HYCC2: variants seen among roughly 807,000 people sequenced by gnomAD.
The protein encoded by HYCC2 is hyccin PI4KA lipid kinase complex subunit 2.
chr2:201,003,433 G>T, the HYCC2 span, among the ~76,000 whole-genome samples: 1 of 152,168 alleles, frequency 6.6e-6, no homozygotes, highest in Non-Finnish European at 1.5e-5. Context: ...GCAGTGAGCT[G>T]AGATCGCACC....
the HYCC2 span, among the ~76,000 whole-genome samples, chr2:201,010,034 G>A: frequency 1.3e-5 from 2 of 151,176 alleles, no homozygotes; most frequent in Admixed American, 1.3e-4. Context: ...AACCCGGGAG[G>A]TGGAGGTGGC....
the HYCC2 span, chr2:200,978,702 C>T: frequency 1.3e-5 from 2 of 151,956 alleles, no homozygotes; most frequent in Non-Finnish European, 2.9e-5. Flanking sequence ...GTCTCGAACT[C>T]CTGACCTCAT....
the HYCC2 span, among the ~76,000 whole-genome samples, chr2:201,039,237 C>T: frequency 2.6e-5 from 4 of 152,132 alleles, no homozygotes; most frequent in African/African-American, 4.8e-5. Flanking sequence ...TACTTAATGT[C>T]TGTCTTTTCT....
chr2:201,067,041 AC>A, the HYCC2 span: 2 of 343,676 alleles, frequency 5.8e-6, no homozygotes, highest in African/African-American at 2.2e-5. Flanking sequence ...GCCAACAAGC[AC>A]CAGGTCAAAT....
chr2:200,996,540 C>A, the HYCC2 span: 1 of 152,066 alleles, frequency 6.6e-6, no homozygotes, highest in Non-Finnish European at 1.5e-5. Flanking sequence ...GTGAGAAGAT[C>A]ACTTGAACCT....
the HYCC2 span, among the ~76,000 whole-genome samples, chr2:200,983,359 T>C: frequency 1.3e-5 from 2 of 152,206 alleles, no homozygotes; most frequent in Non-Finnish European, 2.9e-5. Context: ...AAGCAAAATA[T>C]ATACAAAATA....
the HYCC2 span, among the ~76,000 whole-genome samples, chr2:201,017,422 GATT>G: frequency 3.6e-4 from 54 of 151,998 alleles, no homozygotes; most frequent in South Asian, 0.011. Flanking sequence ...AAATTTACTA[GATT>G]ATTAGTCCTT....
chr2:201,024,940 A>G, the HYCC2 span, among the ~76,000 whole-genome samples: 4,676 of 151,726 alleles, frequency 0.031, 258 homozygotes, highest in African/African-American at 0.11. Context: ...GAGACCCAAT[A>G]TCTATAAAAA....
chr2:200,985,277 C>T, the HYCC2 span, among the ~76,000 whole-genome samples: 2 of 151,828 alleles, frequency 1.3e-5, no homozygotes, highest in Non-Finnish European at 2.9e-5. Flanking sequence ...TTACACTGAA[C>T]GCCAAGAAGC....
chr2:201,044,003 G>A, the HYCC2 span, among the ~76,000 whole-genome samples: 7 of 152,008 alleles, frequency 4.6e-5, no homozygotes, highest in African/African-American at 1.2e-4. Context: ...TACAGCATAC[G>A]CTACAGTGCC....
chr2:201,005,214 T>G, the HYCC2 span, among the ~76,000 whole-genome samples: 1 of 152,170 alleles, frequency 6.6e-6, no homozygotes, highest in Non-Finnish European at 1.5e-5. Context: ...CCTTCATGAC[T>G]GTGTACTTAA....
the HYCC2 span, among the ~76,000 whole-genome samples, chr2:201,059,841 T>C: frequency 6.6e-6 from 1 of 152,062 alleles, no homozygotes; most frequent in Admixed American, 6.5e-5. Flanking sequence ...AGGTCAAAAG[T>C]TGAAGACCAG....
the HYCC2 span, among the ~76,000 whole-genome samples, chr2:200,988,876 C>A: frequency 6.6e-6 from 1 of 152,126 alleles, no homozygotes; most frequent in Non-Finnish European, 1.5e-5. Flanking sequence ...CTGGTAATTG[C>A]CATTTGACTG....
the HYCC2 span, among the ~76,000 whole-genome samples, chr2:201,033,306 G>A: frequency 1.6e-4 from 25 of 151,794 alleles, no homozygotes; most frequent in Non-Finnish European, 3.5e-4. Context: ...CCAGGCTCAA[G>A]CAATCTTCAC....
chr2:201,010,586 T>C, the HYCC2 span, among the ~76,000 whole-genome samples: 1 of 152,150 alleles, frequency 6.6e-6, no homozygotes, highest in Non-Finnish European at 1.5e-5. Context: ...CAAAAAAGTA[T>C]AATGTACTGA....
chr2:201,050,315 G>T, the HYCC2 span, among the ~76,000 whole-genome samples: 2 of 151,182 alleles, frequency 1.3e-5, no homozygotes, highest in African/African-American at 4.9e-5. Context: ...AATGCTGAAA[G>T]AAACAGAATA....
chr2:201,067,549 C>CT, the HYCC2 span, among the ~76,000 whole-genome samples: 1 of 152,112 alleles, frequency 6.6e-6, no homozygotes, highest in African/African-American at 2.4e-5. Context: ...TCTACTCATA[C>CT]TTTTTCTCAG....
At chr2:200,986,914 A>T in the HYCC2 span, among the ~76,000 whole-genome samples, 1 of 152,214 alleles carries the variant, frequency 6.6e-6, no homozygotes, top group East Asian at 1.9e-4. Context: ...TCTTAATGAT[A>T]ATATGCTAAT....
chr2:201,043,140 T>C, the HYCC2 span, among the ~76,000 whole-genome samples: 4 of 152,290 alleles, frequency 2.6e-5, no homozygotes, highest in South Asian at 8.3e-4. Flanking sequence ...CCCAACCCCG[T>C]GCTCTCTGAA....
Sources: allele counts gnomAD v4.1 joint callset (sites outside exome capture counted in the v4.1 genomes callset), GRCh38; gene constraint gnomAD v4.1.1; transcripts MANE v1.5; gene names NCBI Gene and HGNC (gene_info 2026-07-23, HGNC 2026-07-21).